Variants in IL13 observed in about 807,000 individuals in gnomAD.
The protein encoded by IL13 is interleukin 13.
IL13 carries 9 observed loss-of-function variants against 11.1 expected under a neutral mutation model. The ratio of observed to expected loss-of-function variants is 0.81; its 90% CI spans 0.49 to 1.42. The LOEUF is 1.42. Ranked by LOEUF, IL13 falls within the 40% of genes most tolerant of loss-of-function variation. The pLI is 0.00. For missense variants in IL13, 181 were observed against 182.5 expected (o/e 0.99, Z 0.05); for synonymous variants, 75 against 76.9 (o/e 0.97, Z 0.13).
At chr5:132,660,012 T>C (rs1336144497) in intron 3 of IL13, among the ~76,000 whole-genome samples, 163 bp from the exon 4 acceptor site, 3 of 152,190 alleles carry the variant, frequency 2.0e-5, no homozygotes, top group African/African-American at 4.8e-5. Flanking sequence ...AACTCCTACC[T>C]GGGCCTCAAT....
At position 132,660,460 on chromosome 5, in the gene IL13, C is replaced by A; in HGVS notation, c.*178C>A. On this transcript the variant is annotated 3_prime_UTR_variant, in exon 4 of 4. Coordinates refer to ENST00000304506, the MANE Select transcript of IL13 (RefSeq NM_002188.3). ...CCGTCTTCAGCCTAGCCGACCTCAG[C>A]CTTCCCCTTGCCCAGGGCTCAGCCT... is the stretch of plus-strand genomic sequence containing the variant. 8.9e-7 allele frequency: 1 copy of A among 1,123,608 alleles called. No individual in the cohort carries two copies. Among genetic ancestry groups the A allele is most frequent in the Non-Finnish European group, 1.2e-6 (1 of 827,938 alleles). 69.6% of individuals were successfully genotyped at this position (1,123,608 alleles called of 1,614,324 possible). A position where few individuals can be genotyped will look rare whatever the true frequency, so the allele number is the denominator to read the frequency against.
rs1752074913 is a variant in IL13, at chr5:132,658,214, T to C, written c.28T>C (p.Leu10=). ...GCATCCGCTCCTCAATCCTCTCCTG[T>C]TGGCACTGGGCCTCATGGCGCTTTT... is the stretch of plus-strand genomic sequence containing the variant. The part of the protein sequence containing the change: MHPLLNPLL[L]ALGLMALLLT... The change falls in exon 1 of 4, where the codon TTG becomes CTG. Residue 10 remains leucine, a synonymous_variant. Transcript: ENST00000304506. 2 of 1,612,196 alleles carry C rather than the reference T, an allele frequency of 1.2e-6. No individual in the cohort carries two copies. Among genetic ancestry groups the C allele is most frequent in the Admixed American group, 1.7e-5 (1 of 59,904 alleles).
At position 132,660,277 on chromosome 5, in the gene IL13, A is replaced by T; in HGVS notation, c.436A>T (p.Asn146Tyr). The change falls in exon 4 of 4, where the codon AAC becomes TAC. Residue 146 changes from asparagine (N) to tyrosine (Y), a missense_variant. Asn to Tyr is a moderately radical substitution (Grantham distance 143, BLOSUM62 -2). Transcript: ENST00000304506. ...LKKLFREGQF[N>Y] ...GAAACTTTTTCGCGAGGGACAGTTC[A>T]ACTGAAACTTCGAAAGCATCATTAT... 1.2e-6 allele frequency: 2 copies of T among 1,613,832 alleles called. No individual in the cohort carries two copies. The highest frequency in any genetic ancestry group is 1.7e-6 in the Non-Finnish European group (2 of 1,179,944).
chr5:132,660,237 G>A lies in IL13; in HGVS notation c.396G>A (p.Leu132=). 1 of 1,614,124 alleles carries A rather than the reference G, an allele frequency of 6.2e-7. No individual in the cohort carries two copies. Among genetic ancestry groups the A allele is most frequent in the Non-Finnish European group, 8.5e-7 (1 of 1,179,976 alleles). Residue 132 remains leucine, a synonymous_variant, in exon 4 of 4, where the codon CTG becomes CTA. Transcript: ENST00000304506. ...AGGTGGCCCAGTTTGTAAAGGACCT[G>A]CTCTTACATTTAAAGAAACTTTTTC... The part of the protein sequence containing the change: ...KIEVAQFVKD[L]LLHLKKLFRE...
Position 132,660,363 on chromosome 5 carries a change from A to G in IL13, c.*81A>G, listed in dbSNP as rs2149874932. 1 of 1,553,808 alleles carries G rather than the reference A, an allele frequency of 6.4e-7. No individual in the cohort carries two copies. The highest frequency in any genetic ancestry group is 8.7e-7 in the Non-Finnish European group (1 of 1,152,024). On this transcript the variant is annotated 3_prime_UTR_variant, in exon 4 of 4. Coordinates refer to ENST00000304506, the MANE Select transcript of IL13 (RefSeq NM_002188.3). ...TTCATTTTTCTTTCTGATGTCAAAA[A>G]TGTCTTGGGTAGGCGGGAAGGAGGG... is the stretch of plus-strand genomic sequence containing the variant.
At chr5:132,658,761 G>A (rs545251005) in intron 1 of IL13, 2 of 189,706 alleles carry the variant, frequency 1.1e-5, no homozygotes, top group Non-Finnish European at 2.2e-5. Context: ...CGCCCTTACA[G>A]GAGGATTCCT....
In IL13 at chr5:132,659,897, G is replaced by A; in HGVS notation, c.333+69G>A. The stretch of plus-strand genomic sequence containing the variant: ...CTGCCAACCCTGGGCTCGCTGAAGG[G>A]AAGCTGGCTGAATATCCATGGTGTG... On this transcript the variant is annotated intron_variant, in intron 3 of 3. Coordinates refer to ENST00000304506, the MANE Select transcript of IL13 (RefSeq NM_002188.3). The surrounding 1 kb of genome is among the most constrained non-coding windows in gnomAD (Gnocchi z 4.1). 6.4e-7 allele frequency: 1 copy of A among 1,570,204 alleles called. No homozygotes were observed. The highest frequency in any genetic ancestry group is 8.6e-7 in the Non-Finnish European group (1 of 1,159,214).
chr5:132,659,922 G>A lies in IL13; in HGVS notation c.333+94G>A. ...GAAGCTGGCTGAATATCCATGGTGT[G>A]TGTCCACCCAGGGGTGGGGCCATTG... On this transcript the variant is annotated intron_variant, in intron 3 of 3. Coordinates refer to ENST00000304506, the MANE Select transcript of IL13 (RefSeq NM_002188.3). The surrounding 1 kb of genome is among the most constrained non-coding windows in gnomAD (Gnocchi z 4.1). The A allele has an allele frequency of 6.5e-7, 1 of 1,533,264 alleles. No homozygotes were observed. The highest frequency in any genetic ancestry group is 8.8e-7 in the Non-Finnish European group (1 of 1,139,690). The allele number at this position is 1,533,264 out of a possible 1,614,324, so 95.0% of individuals were successfully genotyped here.
rs780429020 is a variant in IL13, at chr5:132,659,636, G to T, written c.229-88G>T. 5.6e-6 allele frequency: 9 copies of T among 1,598,112 alleles called. No homozygotes were observed. Among genetic ancestry groups the T allele is most frequent in the Non-Finnish European group, 6.8e-6 (8 of 1,169,626 alleles). On this transcript the variant is annotated intron_variant, in intron 2 of 3. Coordinates refer to ENST00000304506, the MANE Select transcript of IL13 (RefSeq NM_002188.3). The surrounding 1 kb of genome is among the most constrained non-coding windows in gnomAD (Gnocchi z 4.1). Reference sequence around the variant, plus strand: ...CCGCCCACCACCCAGACTCACCTGCGCCAGGCATCTCAGCCCCATCTTCCT... The same window carrying T: ...CCGCCCACCACCCAGACTCACCTGCTCCAGGCATCTCAGCCCCATCTTCCT...
rs1259234056 is a variant in IL13 at position 132,659,577 on chromosome 5, G to A, written c.228+106G>A. 21 of 1,557,102 alleles carry A rather than the reference G, an allele frequency of 1.3e-5. No homozygotes were observed. Among genetic ancestry groups the A allele is most frequent in the Admixed American group, 3.7e-5 (2 of 54,390 alleles). On this transcript the variant is annotated intron_variant, in intron 2 of 3. Transcript: ENST00000304506. The surrounding 1 kb of genome is among the most constrained non-coding windows in gnomAD (Gnocchi z 4.1). Reference sequence around the variant, plus strand: ...CTGGGGTTCCAAGCAAGCTTCAAGTGCTCTCCTCCCTCCCGCCATAATCTG... The same window carrying A: ...CTGGGGTTCCAAGCAAGCTTCAAGTACTCTCCTCCCTCCCGCCATAATCTG...
At chr5:132,658,105 A>C (rs1183692662), upstream of IL13, 3 of 719,934 alleles carry the variant, frequency 4.2e-6, no homozygotes, top group African/African-American at 1.8e-5. Context: ...TGCCTGAAAA[A>C]GCAGAGACCA....
chr5:132,657,574 G>A (rs1317225322), upstream of IL13, among the ~76,000 whole-genome samples: 1 of 152,138 alleles, frequency 6.6e-6, no homozygotes, highest in Non-Finnish European at 1.5e-5. Flanking sequence ...TCTCAGTGGA[G>A]ACCTGGAAAT....
Position 132,660,253 on chromosome 5 carries a change from A to T in IL13, c.412A>T (p.Lys138Ter). The change falls in exon 4 of 4, where the codon AAA becomes TAA. Residue 138 changes from lysine to a stop codon, truncating the protein, a stop_gained. Transcript: ENST00000304506. LOFTEE classifies it low-confidence loss of function (END_TRUNC). ...FVKDLLLHLKKLFREGQFN is the reference protein window; with the variant it reads ...FVKDLLLHLK ...AAAGGACCTGCTCTTACATTTAAAGAAACTTTTTCGCGAGGGACAGTTCAA... is the reference window on the plus strand; with the variant it reads ...AAAGGACCTGCTCTTACATTTAAAGTAACTTTTTCGCGAGGGACAGTTCAA... 6.2e-7 allele frequency: 1 copy of T among 1,614,172 alleles called. No homozygotes were observed. Among genetic ancestry groups the T allele is most frequent in the Non-Finnish European group, 8.5e-7 (1 of 1,180,000 alleles).
chr5:132,659,019 G>A lies in IL13; in HGVS notation c.175-399G>A, dbSNP rs1752094111. 2 of 234,704 alleles carry A rather than the reference G, an allele frequency of 8.5e-6. No individual in the cohort carries two copies. Among genetic ancestry groups the A allele is most frequent in the Admixed American group, 4.7e-5 (1 of 21,398 alleles). 14.5% of individuals were successfully genotyped at this position (234,704 alleles called of 1,614,324 possible). On this transcript the variant is annotated intron_variant, in intron 1 of 3. Coordinates refer to ENST00000304506, the MANE Select transcript of IL13 (RefSeq NM_002188.3). This position sits in a 1 kb window ranked among gnomAD's most constrained non-coding sequence, Gnocchi z 4.1. The stretch of plus-strand genomic sequence containing the variant: ...GTGTTCCCTCACCATCAGAAGGCAG[G>A]GCATTTAATACACCAGATCCCCACC...
rs190132828 is a variant in IL13, at chr5:132,658,491, C to T, written c.174+131C>T. The T allele has an allele frequency of 1.1e-4, 66 of 587,652 alleles. 1 individual carries two copies. Among genetic ancestry groups the T allele is most frequent in the Non-Finnish European group, 5.7e-5 (19 of 335,180 alleles). 36.4% of individuals were successfully genotyped at this position (587,652 alleles called of 1,614,324 possible). On this transcript the variant is annotated intron_variant, in intron 1 of 3. Transcript: ENST00000304506. Reference sequence around the variant, plus strand: ...CAGGAAAAATCTCCATGGACCAAGGCCCGGCCCAGCCATGAGGGAGAGAGG... The same window carrying T: ...CAGGAAAAATCTCCATGGACCAAGGTCCGGCCCAGCCATGAGGGAGAGAGG...
Position 132,659,711 on chromosome 5 carries a change from C to T in IL13, c.229-13C>T. The T allele has an allele frequency of 6.2e-7, 1 of 1,612,840 alleles. No homozygotes were observed. Among genetic ancestry groups the T allele is most frequent in the South Asian group, 1.1e-5 (1 of 90,986 alleles). On this transcript the variant is annotated splice_polypyrimidine_tract_variant and intron_variant, in intron 2 of 3. Coordinates refer to ENST00000304506, the MANE Select transcript of IL13 (RefSeq NM_002188.3). This position sits in a 1 kb window ranked among gnomAD's most constrained non-coding sequence, Gnocchi z 4.1. Reference sequence around the variant, plus strand: ...CAAGCAGGGCCTGACCCCTCGGTGTCCCCTCCCCACAGTACTGTGCAGCCC... The same window carrying T: ...CAAGCAGGGCCTGACCCCTCGGTGTTCCCTCCCCACAGTACTGTGCAGCCC...
chr5:132,659,249 G>T lies in IL13; in HGVS notation c.175-169G>T. 1 of 642,946 alleles carries T rather than the reference G, an allele frequency of 1.6e-6. No individual in the cohort carries two copies. The highest frequency in any genetic ancestry group is 2.9e-6 in the Non-Finnish European group (1 of 346,890). The allele number at this position is 642,946 out of a possible 1,614,324, so 39.8% of individuals were successfully genotyped here. A position where few individuals can be genotyped will look rare whatever the true frequency, so the allele number is the denominator to read the frequency against. On this transcript the variant is annotated intron_variant, in intron 1 of 3. Coordinates refer to ENST00000304506, the MANE Select transcript of IL13 (RefSeq NM_002188.3). This position sits in a 1 kb window ranked among gnomAD's most constrained non-coding sequence, Gnocchi z 4.1. ...GTGGGACCTCACCCCTATGCCTGCT[G>T]TTCAAAGCAGAAAACGAAGCTCAGG...
chr5:132,659,774 C>A lies in IL13; in HGVS notation c.279C>A (p.Ile93=), dbSNP rs770108365. ...SLINVSGCSA[I]EKTQRMLSGF... is the part of the protein sequence containing the mutation. Reference sequence around the variant, plus strand: ...TCAACGTGTCAGGCTGCAGTGCCATCGAGAAGACCCAGAGGATGCTGAGCG... The same window carrying A: ...TCAACGTGTCAGGCTGCAGTGCCATAGAGAAGACCCAGAGGATGCTGAGCG... Residue 93 remains isoleucine (I), a synonymous_variant, in exon 3 of 4, where the codon ATC becomes ATA. Coordinates refer to ENST00000304506, the MANE Select transcript of IL13 (RefSeq NM_002188.3). This position sits in a 1 kb window ranked among gnomAD's most constrained non-coding sequence, Gnocchi z 4.1. The A allele has an allele frequency of 6.2e-7, 1 of 1,613,818 alleles. No individual in the cohort carries two copies. The highest frequency in any genetic ancestry group is 8.5e-7 in the Non-Finnish European group (1 of 1,180,034).
In IL13 at chr5:132,660,309, A is replaced by G; in HGVS notation, c.*27A>G. On this transcript the variant is annotated 3_prime_UTR_variant, in exon 4 of 4. Coordinates refer to ENST00000304506, the MANE Select transcript of IL13 (RefSeq NM_002188.3). ...ACTTCGAAAGCATCATTATTTGCAG[A>G]GACAGGACCTGACTATTGAAGTTGC... 1.2e-6 allele frequency: 2 copies of G among 1,610,132 alleles called. No individual in the cohort carries two copies. The highest frequency in any genetic ancestry group is 2.7e-5 in the African/African-American group (2 of 74,854).
Sources: allele counts gnomAD v4.1 joint callset (sites outside exome capture counted in the v4.1 genomes callset), GRCh38; gene constraint gnomAD v4.1.1; non-coding constraint Gnocchi (gnomAD v3.1); transcripts MANE v1.5; gene names NCBI Gene and HGNC (gene_info 2026-07-23, HGNC 2026-07-21).